PRKD1: variants seen among roughly 807,000 people sequenced by gnomAD.
PRKD1 encodes the protein serine/threonine-protein kinase D1.
PRKD1 carries 63 observed loss-of-function variants against 95.9 expected under a neutral mutation model. That is an observed-to-expected ratio of 0.66 (90% CI 0.54 to 0.81). The LOEUF is 0.81. Among genes scored for constraint, PRKD1 ranks in the 30% least tolerant of loss-of-function variants. The pLI, the probability that PRKD1 is intolerant of heterozygous loss-of-function variation, is 0.00. For synonymous variants in PRKD1, 425 were observed against 423.1 expected (o/e 1.00, Z -0.05); for missense variants, 1,048 against 1,165.3 (o/e 0.90, Z 1.47).
chr14:29,795,446 T>C (rs539461363), intron 1 of PRKD1, among the ~76,000 whole-genome samples: 1 of 152,218 alleles, frequency 6.6e-6, no homozygotes, highest in Non-Finnish European at 1.5e-5. Flanking sequence ...GTTCCCATTA[T>C]ATGCTCACCT....
At chr14:29,877,370 C>T (rs955725066) in intron 1 of PRKD1, among the ~76,000 whole-genome samples, 3 of 152,150 alleles carry the variant, frequency 2.0e-5, no homozygotes, top group African/African-American at 7.2e-5. Flanking sequence ...ATTTAAGTTC[C>T]TTACAGATGC....
At chr14:29,667,948 C>A (rs45539532) in intron 2 of PRKD1, among the ~76,000 whole-genome samples, 3,322 of 148,088 alleles carry the variant, frequency 0.022, 108 homozygotes, top group African/African-American at 0.072. Context: ...TTTTTTCTTT[C>A]ATTTTTTGAA....
At chr14:29,842,018 C>T (rs139497114) in intron 1 of PRKD1, among the ~76,000 whole-genome samples, 1 of 152,036 alleles carries the variant, frequency 6.6e-6, no homozygotes, top group East Asian at 1.9e-4. Context: ...ACACAATTAG[C>T]CTAGGCCTAC....
At chr14:29,578,505 G>T (rs536051835) in intron 16 of PRKD1, 145 bp from the exon 17 acceptor site, 199 of 69,460 alleles carry the variant, frequency 2.9e-3, no homozygotes, top group African/African-American at 0.014. Context: ...ATCCTCTTAA[G>T]AATACTGAAA....
chr14:29,695,072 A>C (rs1401589186), intron 2 of PRKD1, among the ~76,000 whole-genome samples: 9 of 152,026 alleles, frequency 5.9e-5, no homozygotes, highest in Admixed American at 3.3e-4. Flanking sequence ...GTCTCTACTA[A>C]AAATACAAAA....
Position 29,624,153 on chromosome 14 carries a change from T to G in PRKD1, c.1904A>C (p.Gln635Pro). The G allele has an allele frequency of 6.3e-7, 1 of 1,592,048 alleles. No homozygotes were observed. The highest frequency in any genetic ancestry group is 8.6e-7 in the Non-Finnish European group (1 of 1,167,744). ...SQLRNEVAIL[Q>P]NLHHPGVVNL... ...CCCAAATGAGAACCAAAGAAGTACCTGTAGAATTGCAACCTCATTACGAAG... is the reference window on the plus strand; with the variant it reads ...CCCAAATGAGAACCAAAGAAGTACCGGTAGAATTGCAACCTCATTACGAAG... The change falls in exon 13 of 18, where the codon CAG (glutamine) becomes CCG (proline). Residue 635 changes from glutamine to proline, a missense_variant and splice_region_variant. Around this residue, in one of 3 missense-constraint regions of PRKD1, gnomAD observed 739 missense variants for 861.9 expected, o/e 0.86. Coordinates refer to ENST00000331968, the MANE Select transcript of PRKD1 (RefSeq NM_002742.3).
intron 1 of PRKD1, among the ~76,000 whole-genome samples, chr14:29,820,149 C>A (rs1432144245): frequency 6.6e-6 from 1 of 152,184 alleles, no homozygotes; most frequent in Non-Finnish European, 1.5e-5. Flanking sequence ...CCCCATATTA[C>A]CCCTGGAAAT....
intron 4 of PRKD1, among the ~76,000 whole-genome samples, chr14:29,659,957 T>C (rs1268050086): frequency 6.6e-6 from 1 of 152,200 alleles, no homozygotes; most frequent in Non-Finnish European, 1.5e-5. Context: ...ATGCCCAATT[T>C]ATCAATCTTT....
At chr14:29,869,997 T>C (rs1055375568) in intron 1 of PRKD1, among the ~76,000 whole-genome samples, 36 of 152,284 alleles carry the variant, frequency 2.4e-4, no homozygotes, top group African/African-American at 8.7e-4. Context: ...TCTCCTTCAA[T>C]ATGGTTAACT....
chr14:29,721,658 C>T (rs1885903658), intron 2 of PRKD1, among the ~76,000 whole-genome samples: 1 of 152,012 alleles, frequency 6.6e-6, no homozygotes, highest in Non-Finnish European at 1.5e-5. Context: ...GTACCATACA[C>T]TTGAACTTCA....
intron 2 of PRKD1, among the ~76,000 whole-genome samples, chr14:29,695,456 A>G (rs774995890): frequency 1.3e-5 from 2 of 152,158 alleles, no homozygotes; most frequent in African/African-American, 2.4e-5. Flanking sequence ...GGGTGAACTG[A>G]TATGTTGAAT....
chr14:29,601,868 C>T (rs1234795913), intron 13 of PRKD1, among the ~76,000 whole-genome samples: 2 of 152,146 alleles, frequency 1.3e-5, no homozygotes, highest in African/African-American at 2.4e-5. Flanking sequence ...AGACCACTGG[C>T]CTCTGAAGTG....
intron 2 of PRKD1, among the ~76,000 whole-genome samples, chr14:29,713,946 T>C (rs1005353198): frequency 2.0e-5 from 3 of 152,228 alleles, no homozygotes; most frequent in African/African-American, 7.2e-5. Context: ...CTTCTAGACC[T>C]GTTCTTTTAA....
intron 13 of PRKD1, among the ~76,000 whole-genome samples, chr14:29,618,623 A>G (rs1445192555): frequency 6.6e-6 from 1 of 152,226 alleles, no homozygotes; most frequent in East Asian, 1.9e-4. Context: ...TAATGAAAAT[A>G]GAGCTATTCC....
Position 29,699,325 on chromosome 14 carries a change from T to C in PRKD1, c.403+26211A>G, listed in dbSNP as rs115869157. Among the ~76,000 whole-genome samples, 1,149 of 152,308 alleles carry C rather than the reference T, an allele frequency of 7.5e-3. 20 individuals carry two copies. Among genetic ancestry groups the C allele is most frequent in the African/African-American group, 0.026 (1,078 of 41,564 alleles). ...TCCCTGTACCCTCATCAGTACTGTA[T>C]CCAATACTGGGCTTTTAATTTTTGA... is the stretch of plus-strand genomic sequence containing the variant. On this transcript the variant is annotated intron_variant, in intron 2 of 17. Transcript: ENST00000331968.
At chr14:29,732,347 G>T in intron 1 of PRKD1, among the ~76,000 whole-genome samples, 1 of 149,262 alleles carries the variant, frequency 6.7e-6, no homozygotes. Context: ...TTCTCTCCTG[G>T]TTTATTTGTA....
intron 2 of PRKD1, among the ~76,000 whole-genome samples, chr14:29,722,102 T>C (rs1885928246): frequency 6.6e-6 from 1 of 152,226 alleles, no homozygotes; most frequent in East Asian, 1.9e-4. Context: ...CTCTCATTTT[T>C]ACTGCAGTCC....
chr14:29,710,381 T>C (rs569807312), intron 2 of PRKD1, among the ~76,000 whole-genome samples: 1 of 152,282 alleles, frequency 6.6e-6, no homozygotes, highest in East Asian at 1.9e-4. Context: ...TACCCCTATG[T>C]GACGTGATAA....
chr14:29,686,856 G>A (rs1271140729), intron 2 of PRKD1, among the ~76,000 whole-genome samples: 3 of 152,134 alleles, frequency 2.0e-5, no homozygotes, highest in South Asian at 2.1e-4. Context: ...TGCCGTTCTC[G>A]CTACTTGAGG....
Sources: allele counts gnomAD v4.1 joint callset (sites outside exome capture counted in the v4.1 genomes callset), GRCh38; gene constraint gnomAD v4.1.1; regional missense constraint gnomAD v4.1.1; transcripts MANE v1.5; gene names NCBI Gene and HGNC (gene_info 2026-07-23, HGNC 2026-07-21).